Variants in STAG1 observed in about 807,000 individuals in gnomAD.
STAG1 encodes cohesin subunit SA-1.
In STAG1, 26 loss-of-function variants were observed where a neutral mutation model predicts 170.9. That is an observed-to-expected ratio of 0.15 (90% confidence interval 0.11 to 0.21). The LOEUF is 0.21. Among genes scored for constraint, STAG1 ranks in the 10% least tolerant of loss-of-function variants. The pLI is 1.00. For synonymous variants in STAG1, 514 were observed against 497.7 expected (o/e 1.03, Z -0.44); for missense variants, 964 against 1,509.5 (o/e 0.64, Z 5.99).
chr3:136,591,264 G>C (rs1361684056), intron 4 of STAG1, among the ~76,000 whole-genome samples: 8 of 139,892 alleles, frequency 5.7e-5, no homozygotes, highest in African/African-American at 1.8e-4. Context: ...AGGGAGGAGG[G>C]AGGAGGGGAG....
chr3:136,677,005 C>T (rs1483298091), intron 1 of STAG1, among the ~76,000 whole-genome samples: 3 of 152,060 alleles, frequency 2.0e-5, no homozygotes, highest in Admixed American at 6.6e-5. Context: ...AACAGTAACA[C>T]CCATGAAGCT....
At position 136,336,502 on chromosome 3, in the gene STAG1, T is replaced by G. The variant is rs1935684424; in HGVS notation, c.*1752A>C. 1 of 152,256 alleles carries G rather than the reference T, an allele frequency of 6.6e-6. No homozygotes were observed. The allele number at this position is 152,256 out of a possible 1,614,324, so 9.4% of individuals were successfully genotyped here. The stretch of plus-strand genomic sequence containing the variant: ...AAGACTGTCACGCAAAGGATCAATT[T>G]GTGCATGTGCCAGGGCACCTCATGG... On this transcript the variant is annotated 3_prime_UTR_variant, in exon 34 of 34. Coordinates refer to ENST00000383202, the MANE Select transcript of STAG1 (RefSeq NM_005862.3).
rs199671908 is a variant in STAG1, at chr3:136,449,789, T to TA, written c.1428+2243dup. 8.6e-3 allele frequency among the ~76,000 whole-genome samples: 1,309 copies of TA among 151,970 alleles called. 22 individuals are homozygous for TA. The highest frequency in any genetic ancestry group is 0.03 in the African/African-American group (1,242 of 41,466). On this transcript the variant is annotated intron_variant, in intron 14 of 33. Transcript: ENST00000383202. The stretch of plus-strand genomic sequence containing the variant: ...TGAAAAGCCCTTGAGCTTTCAGAGA[T>TA]AAAAAACATTTTCCTTTAATGAATA...
At chr3:136,371,870 T>C (rs369752730) in intron 23 of STAG1, among the ~76,000 whole-genome samples, 2 of 152,226 alleles carry the variant, frequency 1.3e-5, no homozygotes, top group Non-Finnish European at 2.9e-5. Flanking sequence ...AACTTTAAAG[T>C]AGTTTTTTCC....
At chr3:136,433,713 T>C in intron 15 of STAG1, 54 bp from the exon 16 acceptor site, 1 of 1,217,262 alleles carries the variant, frequency 8.2e-7, no homozygotes, top group Non-Finnish European at 1.2e-6. Context: ...AACAACCATG[T>C]ATTAAAAATG....
In STAG1 at chr3:136,375,340, T is replaced by C. The variant is rs1937534331; in HGVS notation, c.2370+2320A>G. Among the ~76,000 whole-genome samples, 6 of 152,202 alleles carry C rather than the reference T, an allele frequency of 3.9e-5. No homozygotes were observed. The South Asian group carries it at 1.2e-3, about 31-fold the overall frequency. On this transcript the variant is annotated intron_variant, in intron 23 of 33. Transcript: ENST00000383202. ...GAAATAAATGGGTCTGATCAGTTTA[T>C]TACAATAGAAAGATTTTGTTGTGGG...
intron 16 of STAG1, among the ~76,000 whole-genome samples, chr3:136,428,199 G>C (rs2088189879): frequency 6.6e-6 from 1 of 152,124 alleles, no homozygotes; most frequent in South Asian, 2.1e-4. Flanking sequence ...CTGGGTTTAT[G>C]ATCAGGACTG....
At chr3:136,604,734 T>A (rs561972263) in intron 3 of STAG1, among the ~76,000 whole-genome samples, 1 of 152,150 alleles carries the variant, frequency 6.6e-6, no homozygotes, top group Non-Finnish European at 1.5e-5. Context: ...CACTGCAGCA[T>A]CCTCCTCCCA....
At chr3:136,572,114 C>T (rs1444398294) in intron 4 of STAG1, among the ~76,000 whole-genome samples, 3 of 152,114 alleles carry the variant, frequency 2.0e-5, no homozygotes, top group Non-Finnish European at 2.9e-5. Flanking sequence ...ACTTAGGAGG[C>T]TGAGGCACAA....
intron 5 of STAG1, among the ~76,000 whole-genome samples, chr3:136,543,204 T>C (rs1326303729): frequency 1.3e-5 from 2 of 152,162 alleles, no homozygotes; most frequent in African/African-American, 4.8e-5. Context: ...ATTCATACTT[T>C]TTGCACTTTA....
intron 1 of STAG1, among the ~76,000 whole-genome samples, chr3:136,671,415 G>A (rs1941975851): frequency 6.6e-6 from 1 of 152,130 alleles, no homozygotes; most frequent in Non-Finnish European, 1.5e-5. Flanking sequence ...TCTCAATGGA[G>A]CCTATCATCT....
intron 5 of STAG1, among the ~76,000 whole-genome samples, chr3:136,550,616 T>C (rs1936343329): frequency 6.6e-6 from 1 of 152,098 alleles, no homozygotes; most frequent in Non-Finnish European, 1.5e-5. Context: ...CCAGCTTTTC[T>C]TTTTCTCCAT....
intron 1 of STAG1, among the ~76,000 whole-genome samples, chr3:136,635,619 C>A (rs941852682): frequency 6.6e-6 from 1 of 151,956 alleles, no homozygotes; most frequent in East Asian, 1.9e-4. Context: ...CTGGCTAATG[C>A]GACAAGAGAA....
Position 136,500,705 on chromosome 3 carries a change from C to G in STAG1, c.829-409G>C, listed in dbSNP as rs138613632. ...GCTGTTCTAAAAGTAACTTCCTACT[C>G]CATCTAATGTATCCAAACATTACTC... On this transcript the variant is annotated intron_variant, in intron 8 of 33. Coordinates refer to ENST00000383202, the MANE Select transcript of STAG1 (RefSeq NM_005862.3). Among the ~76,000 whole-genome samples the G allele has an allele frequency of 3.9e-5, 6 of 152,298 alleles. No homozygotes were observed. The East Asian group carries it at 1.2e-3, about 29-fold the overall frequency.
intron 7 of STAG1, among the ~76,000 whole-genome samples, chr3:136,506,645 CAAAA>C (rs1248797469): frequency 4.3e-5 from 2 of 46,544 alleles, no homozygotes; most frequent in East Asian, 1.3e-3. Flanking sequence ...GACTCCACCT[CAAAA>C]AAAAAAAAAA....
At chr3:136,524,919 C>A (rs528779383) in intron 6 of STAG1, among the ~76,000 whole-genome samples, 1 of 152,252 alleles carries the variant, frequency 6.6e-6, no homozygotes, top group African/African-American at 2.4e-5. Flanking sequence ...GTATGGTGAA[C>A]CAGCCTTGCA....
At chr3:136,579,698 C>T (rs1937549560) in intron 4 of STAG1, among the ~76,000 whole-genome samples, 2 of 152,068 alleles carry the variant, frequency 1.3e-5, no homozygotes, top group Admixed American at 1.3e-4. Flanking sequence ...TTGAGGTGTC[C>T]ACCAGGCTCT....
At chr3:136,472,274 A>G (rs898408381) in intron 12 of STAG1, 139 bp downstream of exon 12, 2 of 496,594 alleles carry the variant, frequency 4.0e-6, no homozygotes, top group Non-Finnish European at 7.0e-6. Flanking sequence ...CACTTTTTAA[A>G]TCTAACGTTA....
At chr3:136,547,133 A>G (rs1223154209) in intron 5 of STAG1, among the ~76,000 whole-genome samples, 1 of 152,202 alleles carries the variant, frequency 6.6e-6, no homozygotes, top group Non-Finnish European at 1.5e-5. Context: ...TTTTTAAAAA[A>G]TATGCTTTCT....
Sources: gnomAD v4.1 joint callset for allele counts (sites outside exome capture counted in the v4.1 genomes callset) on GRCh38, gnomAD v4.1.1 for gene constraint, MANE v1.5 for transcripts, NCBI Gene and HGNC (gene_info 2026-07-23, HGNC 2026-07-21) for gene names.